CSMD1: variants seen among roughly 807,000 people sequenced by gnomAD.
The protein encoded by CSMD1 is CUB and Sushi multiple domains 1, also known as CUB and sushi domain-containing protein 1.
In CSMD1, 213 loss-of-function variants were observed where a neutral mutation model predicts 417.5. The ratio of observed to expected loss-of-function variants is 0.51; its 90% CI spans 0.46 to 0.57. The LOEUF is 0.57. CSMD1 is among the 20% of genes least tolerant of loss of function. CSMD1 has a pLI of 0.00. For missense variants in CSMD1, 6,923 were observed against 4,529.7 expected (o/e 1.53, Z -15.17); for synonymous variants, 2,862 against 1,736.8 (o/e 1.65, Z -16.11).
chr8:4,016,767 A>C (rs1000856610), intron 4 of CSMD1, among the ~76,000 whole-genome samples: 4 of 152,216 alleles, frequency 2.6e-5, no homozygotes, highest in African/African-American at 9.6e-5. Context: ...CTGTTGACCT[A>C]AGTTTATGTG....
chr8:3,381,645 C>G (rs1810633882), intron 18 of CSMD1, among the ~76,000 whole-genome samples: 1 of 152,114 alleles, frequency 6.6e-6, no homozygotes. Flanking sequence ...AGTTATCATC[C>G]TTCTGACACT....
chr8:3,843,686 A>C (rs1432884890), intron 5 of CSMD1, among the ~76,000 whole-genome samples: 1 of 152,224 alleles, frequency 6.6e-6, no homozygotes, highest in African/African-American at 2.4e-5. Context: ...ACGGGAGCCC[A>C]CAGTGGGTGG....
At chr8:4,028,358 G>A (rs1454823727) in intron 4 of CSMD1, among the ~76,000 whole-genome samples, 1 of 152,070 alleles carries the variant, frequency 6.6e-6, no homozygotes, top group African/African-American at 2.4e-5. Flanking sequence ...GATTAAATTT[G>A]CTAAAGTAGT....
chr8:4,187,221 A>G (rs376828157), intron 3 of CSMD1, among the ~76,000 whole-genome samples: 51 of 152,284 alleles, frequency 3.3e-4, no homozygotes, highest in African/African-American at 1.2e-3. Flanking sequence ...CAGAGAAAAA[A>G]TAATATGGAA....
At chr8:4,165,038 G>A (rs368887675) in intron 3 of CSMD1, among the ~76,000 whole-genome samples, 2 of 152,160 alleles carry the variant, frequency 1.3e-5, no homozygotes, top group Admixed American at 1.3e-4. Context: ...TGAGGTTTCT[G>A]TATTGGTAGA....
rs911376028 is a variant in CSMD1 at position 4,775,423 on chromosome 8, C to G, written c.86-137865G>C. On this transcript the variant is annotated intron_variant, in intron 1 of 69. Coordinates refer to ENST00000635120, the MANE Select transcript of CSMD1 (RefSeq NM_033225.6). ...AACTTCCATGAAGTATACAATAAAA[C>G]AGAATCTAAATAAAGTCTGTGCTTA... 2.6e-5 allele frequency among the ~76,000 whole-genome samples: 4 copies of G among 151,316 alleles called. No individual in the cohort carries two copies. In the Admixed American group the frequency reaches 2.6e-4, roughly 10 times the overall value.
At chr8:3,356,558 C>T (rs980238089) in intron 21 of CSMD1, among the ~76,000 whole-genome samples, 2 of 152,086 alleles carry the variant, frequency 1.3e-5, no homozygotes, top group Non-Finnish European at 2.9e-5. Flanking sequence ...GCCTGTAGTC[C>T]CAGCAACTCG....
At chr8:4,772,072 G>T (rs1012294830) in intron 1 of CSMD1, among the ~76,000 whole-genome samples, 2 of 152,204 alleles carry the variant, frequency 1.3e-5, no homozygotes, top group Non-Finnish European at 2.9e-5. Flanking sequence ...TCGGCAGGCT[G>T]TATTTCTTCC....
At chr8:4,236,039 GTTTTT>G (rs869245155) in intron 3 of CSMD1, among the ~76,000 whole-genome samples, 1 of 31,686 alleles carries the variant, frequency 3.2e-5, no homozygotes, top group Admixed American at 3.1e-4. Context: ...TTTTTTGTTT[GTTTTT>G]TTTTTTTTTT....
chr8:3,285,228 A>T (rs1445099330), intron 25 of CSMD1, among the ~76,000 whole-genome samples: 3 of 152,214 alleles, frequency 2.0e-5, no homozygotes, highest in East Asian at 3.9e-4. Context: ...TTTGTTTTGC[A>T]TATATTACAT....
chr8:3,150,501 GCA>G (rs1486804109), intron 40 of CSMD1, among the ~76,000 whole-genome samples: 3 of 152,184 alleles, frequency 2.0e-5, no homozygotes, highest in Non-Finnish European at 2.9e-5. Context: ...GCCATCCTGG[GCA>G]CAGATTCTAA....
intron 3 of CSMD1, among the ~76,000 whole-genome samples, chr8:4,184,937 A>C (rs1326637581): frequency 6.6e-6 from 1 of 152,076 alleles, no homozygotes. Flanking sequence ...CAGGAGTTCA[A>C]GACCAGCCTC....
chr8:4,487,255 C>G (rs761838263), intron 2 of CSMD1, among the ~76,000 whole-genome samples: 15 of 152,114 alleles, frequency 9.9e-5, no homozygotes, highest in Middle Eastern at 3.4e-3. Flanking sequence ...ATGTGCCATG[C>G]CGGTGCGGTG....
intron 10 of CSMD1, among the ~76,000 whole-genome samples, chr8:3,556,390 T>TTTTTG (rs1799142809): frequency 1.9e-5 from 2 of 105,354 alleles, no homozygotes; most frequent in African/African-American, 9.3e-5. Context: ...TTTATAATAA[T>TTTTTG]TAATATATAT....
intron 7 of CSMD1, among the ~76,000 whole-genome samples, chr8:3,666,987 A>G (rs1364595425): frequency 6.6e-6 from 1 of 152,178 alleles, no homozygotes; most frequent in Non-Finnish European, 1.5e-5. Flanking sequence ...CTCGAATTTT[A>G]GCAGAAAGAT....
intron 69 of CSMD1, among the ~76,000 whole-genome samples, chr8:2,941,316 C>T (rs919998824): frequency 6.6e-6 from 1 of 152,140 alleles, no homozygotes; most frequent in Non-Finnish European, 1.5e-5. Flanking sequence ...TTTAAAGAGG[C>T]TATTTCATGA....
At chr8:3,722,325 G>A (rs1036547840) in intron 6 of CSMD1, among the ~76,000 whole-genome samples, 1 of 152,102 alleles carries the variant, frequency 6.6e-6, no homozygotes, top group African/African-American at 2.4e-5. Context: ...TAAATAAATA[G>A]ATATAATAGC....
chr8:3,422,803 C>T (rs758285410), intron 12 of CSMD1, among the ~76,000 whole-genome samples: 1 of 152,100 alleles, frequency 6.6e-6, no homozygotes, highest in Non-Finnish European at 1.5e-5. Flanking sequence ...CTAGGAAGAT[C>T]AAGATAAAGG....
At position 4,738,456 on chromosome 8, in the gene CSMD1, C is replaced by T. The variant is rs369345628; in HGVS notation, c.86-100898G>A. Reference sequence around the variant, plus strand: ...AAAGCCCCTTATAAAACCATCAGATCTCATGAGAACAAACTTGCTATCAGG... The same window carrying T: ...AAAGCCCCTTATAAAACCATCAGATTTCATGAGAACAAACTTGCTATCAGG... On this transcript the variant is annotated intron_variant, in intron 1 of 69. Transcript: ENST00000635120. Among the ~76,000 whole-genome samples, 16 of 152,190 alleles carry T rather than the reference C, an allele frequency of 1.1e-4. No homozygotes were observed. In the East Asian group the frequency reaches 2.9e-3, roughly 28 times the overall value.
Sources: gnomAD v4.1 joint callset for allele counts (sites outside exome capture counted in the v4.1 genomes callset) on GRCh38, gnomAD v4.1.1 for gene constraint, MANE v1.5 for transcripts, NCBI Gene and HGNC (gene_info 2026-07-23, HGNC 2026-07-21) for gene names.